DAB1: variants seen among roughly 807,000 people sequenced by gnomAD.
The protein encoded by DAB1 is disabled homolog 1.
A neutral mutation model predicts 64.6 loss-of-function variants in DAB1; 15 were observed. The observed-to-expected ratio is 0.23, with a 90% confidence interval of 0.16 to 0.36. The LOEUF (loss-of-function observed/expected upper bound fraction) is 0.36, where lower values mean the gene tolerates loss of function less well. Ranked by LOEUF, DAB1 falls within the 10% of genes least tolerant of loss-of-function variation. The pLI, the probability that DAB1 is intolerant of heterozygous loss-of-function variation, is 1.00. For missense variants in DAB1, 596 were observed against 706.7 expected (o/e 0.84, Z 1.78); for synonymous variants, 235 against 251.9 (o/e 0.93, Z 0.64).
intron 4 of DAB1, among the ~76,000 whole-genome samples, chr1:58,301,583 A>G (rs1164145131): frequency 6.6e-6 from 1 of 152,140 alleles, no homozygotes; most frequent in Non-Finnish European, 1.5e-5. Flanking sequence ...CAGGGAAGCC[A>G]AAAGATTGGA....
At chr1:57,321,189 T>C (rs994330109) in intron 1 of DAB1, among the ~76,000 whole-genome samples, 2 of 152,146 alleles carry the variant, frequency 1.3e-5, no homozygotes, top group African/African-American at 2.4e-5. Flanking sequence ...CACTTGACTT[T>C]GCAAAGTCTC....
chr1:57,917,206 C>T (rs1467652481), intron 5 of DAB1, among the ~76,000 whole-genome samples: 1 of 152,152 alleles, frequency 6.6e-6, no homozygotes, highest in Admixed American at 6.5e-5. Flanking sequence ...TAAGCATGTC[C>T]TCTAGGTCCA....
At chr1:58,109,775 G>C (rs1651869032) in intron 5 of DAB1, among the ~76,000 whole-genome samples, 1 of 151,364 alleles carries the variant, frequency 6.6e-6, no homozygotes, top group Non-Finnish European at 1.5e-5. Flanking sequence ...ACAAAGTGAG[G>C]TGGAATGGAA....
At chr1:57,141,065 C>T (rs887452248) in intron 3 of DAB1, among the ~76,000 whole-genome samples, 1 of 152,112 alleles carries the variant, frequency 6.6e-6, no homozygotes, top group African/African-American at 2.4e-5. Flanking sequence ...ATTCTGAAAA[C>T]CTTAGAACGC....
chr1:58,489,667 A>AG lies in DAB1; in HGVS notation n.257+16392dup, dbSNP rs1178525499. Among the ~76,000 whole-genome samples the AG allele has an allele frequency of 8.7e-4, 132 of 152,338 alleles. 1 individual carries two copies. The highest frequency in any genetic ancestry group is 8.5e-3 in the Admixed American group (130 of 15,302). The stretch of plus-strand genomic sequence containing the variant: ...TCCTCAAGTGGGTCCCTGACCCCTG[A>AG]GTAGCCTAACTGGGAGGCACCCCCC... On this transcript the variant is annotated intron_variant and non_coding_transcript_variant, in intron 3 of 20. Transcript: ENST00000485760.
chr1:58,326,171 C>T (rs575947764), intron 4 of DAB1, among the ~76,000 whole-genome samples: 1 of 152,338 alleles, frequency 6.6e-6, no homozygotes, highest in South Asian at 2.1e-4. Flanking sequence ...AATTAGTCCT[C>T]AAATTATCAT....
At chr1:58,123,116 C>T (rs893584396) in intron 5 of DAB1, among the ~76,000 whole-genome samples, 4 of 152,206 alleles carry the variant, frequency 2.6e-5, no homozygotes, top group Middle Eastern at 3.4e-3. Flanking sequence ...ACAATTCACC[C>T]CTTCCTAGAG....
chr1:57,554,961 G>A (rs893679734), intron 7 of DAB1, among the ~76,000 whole-genome samples: 18 of 151,540 alleles, frequency 1.2e-4, no homozygotes, highest in African/African-American at 4.4e-4. Flanking sequence ...GGGTGACTCA[G>A]GCTAAATCTA....
chr1:58,208,493 C>T (rs1050769439), intron 4 of DAB1, among the ~76,000 whole-genome samples: 12 of 152,062 alleles, frequency 7.9e-5, no homozygotes, highest in African/African-American at 2.9e-4. Flanking sequence ...CATTTTTATT[C>T]CTTTGTATCC....
At chr1:58,032,688 C>A (rs1002008834) in intron 5 of DAB1, among the ~76,000 whole-genome samples, 1 of 152,206 alleles carries the variant, frequency 6.6e-6, no homozygotes, top group Non-Finnish European at 1.5e-5. Context: ...CTAAACCATG[C>A]CCCTTCCAAT....
downstream of DAB1, among the ~76,000 whole-genome samples, chr1:57,824,506 GA>G (rs1652260282): frequency 6.6e-6 from 1 of 152,064 alleles, no homozygotes; most frequent in Non-Finnish European, 1.5e-5. Flanking sequence ...GTGTTTACAG[GA>G]GAGCCTGAGA....
rs574153267 is a variant in DAB1 at position 57,645,465 on chromosome 1, A to G, written n.625+4127T>C. ...ATTTTCATTTTATAAGACCAGCTAT[A>G]GAGTAGGAAAGAGTCTCTTCAGCTT... On this transcript the variant is annotated intron_variant and non_coding_transcript_variant, in intron 7 of 20. Coordinates refer to the DAB1 transcript ENST00000485760. 3.9e-5 allele frequency among the ~76,000 whole-genome samples: 6 copies of G among 152,288 alleles called. No homozygotes were observed. The East Asian group carries it at 1.2e-3, about 29-fold the overall frequency.
At chr1:57,974,407 G>A (rs556197259) in intron 5 of DAB1, among the ~76,000 whole-genome samples, 9 of 152,112 alleles carry the variant, frequency 5.9e-5, no homozygotes, top group African/African-American at 2.2e-4. Flanking sequence ...GTGTATCTCT[G>A]GAGTCTACAA....
At chr1:58,226,344 GTTT>G (rs144121265) in intron 4 of DAB1, among the ~76,000 whole-genome samples, 1 of 151,086 alleles carries the variant, frequency 6.6e-6, no homozygotes, top group Non-Finnish European at 1.5e-5. Flanking sequence ...TATGGCACTA[GTTT>G]TTTTTCAGCC....
At chr1:58,460,170 C>T (rs1645229374) in intron 3 of DAB1, among the ~76,000 whole-genome samples, 1 of 151,876 alleles carries the variant, frequency 6.6e-6, no homozygotes, top group South Asian at 2.2e-4. Context: ...AGAGTTGAAG[C>T]ACAAAGTCTA....
chr1:57,214,354 G>A (rs1407828064), intron 2 of DAB1, among the ~76,000 whole-genome samples: 1 of 152,114 alleles, frequency 6.6e-6, no homozygotes, highest in Non-Finnish European at 1.5e-5. Context: ...ATTTTGGAGG[G>A]GACACATTCA....
chr1:57,062,091 C>G (rs910948612), intron 9 of DAB1, among the ~76,000 whole-genome samples: 5 of 152,108 alleles, frequency 3.3e-5, no homozygotes, highest in African/African-American at 4.8e-5. Flanking sequence ...AGTTGTAGGT[C>G]CTAAATATGA....
At chr1:57,897,815 A>C (rs1448972832) in intron 5 of DAB1, among the ~76,000 whole-genome samples, 2 of 152,218 alleles carry the variant, frequency 1.3e-5, no homozygotes, top group African/African-American at 4.8e-5. Flanking sequence ...GGGAAAGCTT[A>C]GACCCAGCTG....
chr1:57,301,075 T>G (rs1197358519), intron 1 of DAB1, among the ~76,000 whole-genome samples: 2 of 151,402 alleles, frequency 1.3e-5, no homozygotes, highest in Non-Finnish European at 2.9e-5. Flanking sequence ...TCCAAAGAGG[T>G]CCTAGATAAA....
Sources: allele counts gnomAD v4.1 joint callset (sites outside exome capture counted in the v4.1 genomes callset), GRCh38; gene constraint gnomAD v4.1.1; transcripts MANE v1.5; gene names NCBI Gene and HGNC (gene_info 2026-07-23, HGNC 2026-07-21).